The following DTNA variants were observed in gnomAD, a reference collection of about 807,000 sequenced individuals.
DTNA encodes dystrophin-related protein 3.
In DTNA, 43 loss-of-function variants were observed where a neutral mutation model predicts 100.7. The ratio of observed to expected loss-of-function variants is 0.43; its 90% confidence interval spans 0.33 to 0.55. The LOEUF is 0.55. DTNA is among the 20% of genes least tolerant of loss of function. DTNA has a pLI of 0.04. For synonymous variants in DTNA, 349 were observed against 347.9 expected (o/e 1.00, Z -0.04); for missense variants, 798 against 953.9 (o/e 0.84, Z 2.15).
intron 18 of DTNA, among the ~76,000 whole-genome samples, chr18:34,876,702 TGA>T (rs1223679761): frequency 6.6e-6 from 1 of 152,172 alleles, no homozygotes; most frequent in Non-Finnish European, 1.5e-5. Context: ...CACACTTCAA[TGA>T]GAGAGAATGA....
chr18:34,791,844 A>G (rs191454699), intron 3 of DTNA, among the ~76,000 whole-genome samples: 3 of 152,226 alleles, frequency 2.0e-5, no homozygotes, highest in Admixed American at 6.5e-5. Context: ...TTTTTACTCT[A>G]TGCATTTTTC....
intron 1 of DTNA, among the ~76,000 whole-genome samples, chr18:34,669,070 T>C (rs2076360777): frequency 6.6e-6 from 1 of 152,224 alleles, no homozygotes; most frequent in Non-Finnish European, 1.5e-5. Flanking sequence ...TAAGTCTCTT[T>C]GTAGGTCTCT....
At chr18:34,883,058 T>C (rs1258981080) in intron 21 of DTNA, among the ~76,000 whole-genome samples, 1 of 152,180 alleles carries the variant, frequency 6.6e-6, no homozygotes, top group Non-Finnish European at 1.5e-5. Context: ...ACATGACATA[T>C]ACAATTGGCA....
At chr18:34,688,194 C>T (rs2079187942) in intron 1 of DTNA, among the ~76,000 whole-genome samples, 2 of 152,108 alleles carry the variant, frequency 1.3e-5, no homozygotes, top group Admixed American at 1.3e-4. Flanking sequence ...ATGATGCTAG[C>T]TGGTTATTTT....
intron 1 of DTNA, among the ~76,000 whole-genome samples, chr18:34,673,471 T>C (rs1205917996): frequency 2.0e-5 from 3 of 151,068 alleles, no homozygotes; most frequent in African/African-American, 7.3e-5. Flanking sequence ...TAAGCAACTG[T>C]CTTAACCTTA....
intron 1 of DTNA, among the ~76,000 whole-genome samples, chr18:34,613,325 G>T (rs577028693): frequency 1.2e-4 from 19 of 152,098 alleles, no homozygotes; most frequent in Non-Finnish European, 2.5e-4. Flanking sequence ...TTGAAATTAG[G>T]CCAAGTAATA....
intron 15 of DTNA, 94 bp downstream of exon 15, chr18:34,852,022 T>C (rs1457885028): frequency 9.6e-6 from 12 of 1,252,546 alleles, no homozygotes; most frequent in African/African-American, 1.5e-5. Flanking sequence ...CTTTACACCC[T>C]GTATGGCTAC....
chr18:34,617,819 A>T (rs2055628435), intron 1 of DTNA, among the ~76,000 whole-genome samples: 1 of 152,210 alleles, frequency 6.6e-6, no homozygotes, highest in Non-Finnish European at 1.5e-5. Flanking sequence ...CTACAGCATA[A>T]TGTAAACATA....
At chr18:34,648,059 A>G (rs2060047596) in intron 1 of DTNA, among the ~76,000 whole-genome samples, 1 of 152,220 alleles carries the variant, frequency 6.6e-6, no homozygotes, top group Non-Finnish European at 1.5e-5. Context: ...CAAAAAGAAG[A>G]GTTGTGTGGT....
intron 1 of DTNA, among the ~76,000 whole-genome samples, chr18:34,571,662 A>G (rs1213387816): frequency 6.6e-6 from 1 of 152,168 alleles, no homozygotes; most frequent in African/African-American, 2.4e-5. Context: ...GGCTGCTTTG[A>G]TGTTAGCAAG....
chr18:34,744,408 C>T (rs1334395630), intron 1 of DTNA, among the ~76,000 whole-genome samples: 2 of 152,112 alleles, frequency 1.3e-5, no homozygotes, highest in Non-Finnish European at 2.9e-5. Flanking sequence ...GTTAGGAACT[C>T]TATTGGTATT....
At chr18:34,630,471 A>G (rs1403811694) in intron 1 of DTNA, among the ~76,000 whole-genome samples, 2 of 152,222 alleles carry the variant, frequency 1.3e-5, no homozygotes, top group Admixed American at 6.5e-5. Context: ...TTAGTCAGCG[A>G]TAAGAAAATG....
chr18:34,716,780 T>C (rs1027332274), intron 1 of DTNA, among the ~76,000 whole-genome samples: 1 of 152,100 alleles, frequency 6.6e-6, no homozygotes, highest in Non-Finnish European at 1.5e-5. Flanking sequence ...AATAATAATG[T>C]TAAAGAGTAG....
chr18:34,528,354 C>T (rs1313674834), intron 1 of DTNA, among the ~76,000 whole-genome samples: 1 of 152,068 alleles, frequency 6.6e-6, no homozygotes, highest in East Asian at 1.9e-4. Context: ...GTGCCTCCTA[C>T]AGACAATCAT....
intron 1 of DTNA, among the ~76,000 whole-genome samples, chr18:34,500,389 G>A (rs563275413): frequency 6.7e-6 from 1 of 149,446 alleles, no homozygotes. Context: ...TGTTTATCTA[G>A]TATCCTGGGA....
chr18:34,769,912 G>T (rs930224339), intron 3 of DTNA, among the ~76,000 whole-genome samples: 1 of 151,458 alleles, frequency 6.6e-6, no homozygotes, highest in African/African-American at 2.4e-5. Flanking sequence ...GTACAGACAG[G>T]GTTTCACCAT....
chr18:34,666,004 TTC>T (rs2075869878), intron 1 of DTNA, among the ~76,000 whole-genome samples: 1 of 152,226 alleles, frequency 6.6e-6, no homozygotes. Context: ...CCACACTGTC[TTC>T]CACAATGGTT....
intron 1 of DTNA, among the ~76,000 whole-genome samples, chr18:34,624,006 T>C (rs1458300020): frequency 1.3e-5 from 2 of 152,178 alleles, no homozygotes; most frequent in African/African-American, 4.8e-5. Flanking sequence ...CTGATAAGCA[T>C]AAGAGATTGA....
At chr18:34,496,798 A>G (rs1288116803) in intron 1 of DTNA, among the ~76,000 whole-genome samples, 1 of 152,274 alleles carries the variant, frequency 6.6e-6, no homozygotes, top group Non-Finnish European at 1.5e-5. Context: ...AAGATGCCTG[A>G]AAAGCCACAT....
Sources: gnomAD v4.1 joint callset for allele counts (sites outside exome capture counted in the v4.1 genomes callset) on GRCh38, gnomAD v4.1.1 for gene constraint, MANE v1.5 for transcripts, NCBI Gene and HGNC (gene_info 2026-07-23, HGNC 2026-07-21) for gene names.